Variants in CCNY observed in about 807,000 individuals in gnomAD.
The protein encoded by CCNY is cyclin-Y.
In CCNY, 19 loss-of-function variants were observed where a neutral mutation model predicts 42.8. The observed-to-expected ratio is 0.44, with a 90% confidence interval of 0.31 to 0.65. The LOEUF (loss-of-function observed/expected upper bound fraction) is 0.65, where lower values mean the gene tolerates loss of function less well. CCNY is among the 30% of genes least tolerant of loss of function. The probability of loss-of-function intolerance (pLI) is 0.07; values close to 1 mark genes in which losing one functional copy is unlikely to be tolerated. For missense variants in CCNY, 370 were observed against 437.3 expected, an observed-to-expected ratio of 0.85 and a Z score of 1.37; for synonymous variants, 165 against 162.7, an observed-to-expected ratio of 1.01 and a Z score of -0.11.
At chr10:35,247,874 T>TA (rs2095709223) in intron 1 of CCNY, among the ~76,000 whole-genome samples, 2 of 34,864 alleles carry the variant, frequency 5.7e-5, no homozygotes, top group East Asian at 7.8e-4. Flanking sequence ...AGACTCCATC[T>TA]CAAAAAAAAA....
Position 35,431,115 on chromosome 10 carries a change from C to T in CCNY, c.155-52289C>T, listed in dbSNP as rs1218037755. ...CTGGTGACAGAATGAGACTCCATCT[C>T]AAAAAAAAAAAAAAATTAATACTTA... On this transcript the variant is annotated intron_variant, in intron 1 of 9. Coordinates refer to ENST00000374704, the MANE Select transcript of CCNY (RefSeq NM_145012.6). Among the ~76,000 whole-genome samples, 7 of 107,692 alleles carry T rather than the reference C, an allele frequency of 6.5e-5. No individual in the cohort carries two copies. In the Admixed American group the frequency reaches 6.8e-4, roughly 10 times the overall value. The allele number at this position is 107,692 out of a possible 152,430, so 70.7% of individuals were successfully genotyped here.
At chr10:35,491,295 T>C (rs1041438147) in intron 2 of CCNY, among the ~76,000 whole-genome samples, 12 of 152,224 alleles carry the variant, frequency 7.9e-5, no homozygotes, top group Non-Finnish European at 1.0e-4. Context: ...CACACCTGTC[T>C]CCTTAGAAGA....
intron 1 of CCNY, among the ~76,000 whole-genome samples, chr10:35,400,931 CT>C (rs985553441): frequency 2.6e-5 from 4 of 151,554 alleles, no homozygotes; most frequent in Non-Finnish European, 5.9e-5. Flanking sequence ...TTAATGCGCA[CT>C]TTTTTTTTGA....
intron 3 of CCNY, among the ~76,000 whole-genome samples, chr10:35,324,082 T>C (rs978870712): frequency 2.0e-5 from 3 of 151,924 alleles, no homozygotes; most frequent in African/African-American, 7.3e-5. Flanking sequence ...ATATTTGGTG[T>C]ACAAAGGGAA....
chr10:35,388,029 CTTTGTGTGTT>C (rs1837334228), intron 1 of CCNY, among the ~76,000 whole-genome samples: 1 of 152,164 alleles, frequency 6.6e-6, no homozygotes, highest in Admixed American at 6.5e-5. Context: ...GAAGCAGCCC[CTTTGTGTGTT>C]TTCATGTTCC....
At position 35,352,258 on chromosome 10, in the gene CCNY, C is replaced by G. The variant is rs114916913; in HGVS notation, c.154+15051C>G. ...AACACAATGCTAGTACTCCAAGGAACTAAACAAGCTGAGAAGTTAGTGGAG... is the reference window on the plus strand; with the variant it reads ...AACACAATGCTAGTACTCCAAGGAAGTAAACAAGCTGAGAAGTTAGTGGAG... On this transcript the variant is annotated intron_variant, in intron 1 of 9. Transcript: ENST00000374704. 3.3e-3 allele frequency among the ~76,000 whole-genome samples: 508 copies of G among 152,282 alleles called. 4 individuals carry two copies. Among genetic ancestry groups the G allele is most frequent in the African/African-American group, 0.012 (481 of 41,546 alleles).
chr10:35,370,207 C>T (rs562020476), intron 1 of CCNY, among the ~76,000 whole-genome samples: 3 of 151,724 alleles, frequency 2.0e-5, no homozygotes, highest in African/African-American at 2.4e-5. Flanking sequence ...GCTGGAGGGC[C>T]GTGGCACGAT....
intron 9 of CCNY, among the ~76,000 whole-genome samples, chr10:35,568,285 G>T (rs1253978634): frequency 1.3e-5 from 2 of 152,162 alleles, no homozygotes; most frequent in African/African-American, 4.8e-5. Context: ...ACGGGCCCTA[G>T]GGGTTCAGCA....
intron 3 of CCNY, among the ~76,000 whole-genome samples, chr10:35,330,838 C>G (rs1422729769): frequency 6.6e-6 from 1 of 151,722 alleles, no homozygotes; most frequent in Admixed American, 6.6e-5. Flanking sequence ...TCACTGCAAA[C>G]CTCCACCTCC....
chr10:35,304,938 G>T (rs190375422), intron 3 of CCNY, among the ~76,000 whole-genome samples: 11 of 152,306 alleles, frequency 7.2e-5, no homozygotes, highest in African/African-American at 2.4e-4. Flanking sequence ...ATTCAAGTGT[G>T]GTCTAAGAGT....
intron 2 of CCNY, among the ~76,000 whole-genome samples, chr10:35,492,810 T>TCCTACCTTCC (rs1244504133): frequency 2.0e-5 from 3 of 152,214 alleles, no homozygotes; most frequent in African/African-American, 7.2e-5. Context: ...CTTTACCTTC[T>TCCTACCTTCC]CCTACCTTCC....
chr10:35,478,726 T>C (rs1839581946), intron 1 of CCNY, among the ~76,000 whole-genome samples: 1 of 152,282 alleles, frequency 6.6e-6, no homozygotes, highest in Non-Finnish European at 1.5e-5. Context: ...GACATAGGCA[T>C]GGGCAAGGAC....
chr10:35,312,747 CTTT>C (rs10688043), intron 3 of CCNY, among the ~76,000 whole-genome samples: 5 of 112,152 alleles, frequency 4.5e-5, no homozygotes, highest in Non-Finnish European at 6.9e-5. Context: ...TTCCTTTTTA[CTTT>C]TTTTTTTTTT....
intron 3 of CCNY, among the ~76,000 whole-genome samples, chr10:35,295,459 G>A (rs541960766): frequency 3.3e-5 from 5 of 151,858 alleles, no homozygotes; most frequent in East Asian, 3.9e-4. Context: ...CTTGAACTCC[G>A]AACCTCAGGT....
chr10:35,371,647 G>A (rs1262808558), intron 1 of CCNY, among the ~76,000 whole-genome samples: 1 of 152,156 alleles, frequency 6.6e-6, no homozygotes, highest in Non-Finnish European at 1.5e-5. Flanking sequence ...GAGGAGGACT[G>A]GGGCACAGTA....
At chr10:35,559,724 C>T (rs552566851) in intron 8 of CCNY, among the ~76,000 whole-genome samples, 42 of 152,202 alleles carry the variant, frequency 2.8e-4, no homozygotes, top group Non-Finnish European at 4.7e-4. Context: ...TCTGGCATGA[C>T]TTGTGATATC....
At chr10:35,256,996 A>C (rs192443272) in intron 3 of CCNY, among the ~76,000 whole-genome samples, 2 of 152,182 alleles carry the variant, frequency 1.3e-5, no homozygotes, top group African/African-American at 4.8e-5. Context: ...AGTCTATCAT[A>C]TAGAAAACAA....
chr10:35,347,370 G>C, intron 1 of CCNY: 1 of 799,906 alleles, frequency 1.3e-6, no homozygotes, highest in Non-Finnish European at 1.5e-6. Flanking sequence ...ATCCCAGTTG[G>C]GTGGTGAAAT....
chr10:35,267,182 C>T (rs1482863379), intron 3 of CCNY, among the ~76,000 whole-genome samples: 1 of 151,796 alleles, frequency 6.6e-6, no homozygotes. Context: ...GAGTGGTGCT[C>T]CTGTAATCCC....
Sources: allele counts gnomAD v4.1 joint callset (sites outside exome capture counted in the v4.1 genomes callset), GRCh38; gene constraint gnomAD v4.1.1; transcripts MANE v1.5; gene names NCBI Gene and HGNC (gene_info 2026-07-23, HGNC 2026-07-21).